ZNF165: variants seen among roughly 807,000 people sequenced by gnomAD.
ZNF165 encodes cancer/testis antigen 53.
ZNF165 carries 14 observed loss-of-function variants against 19.6 expected under a neutral mutation model. The observed-to-expected ratio is 0.71, with a 90% CI of 0.47 to 1.12. The LOEUF is 1.12. Among genes scored for constraint, ZNF165 ranks in the 50% most tolerant of loss-of-function variants. The probability of loss-of-function intolerance (pLI) is 0.00; values close to 1 mark genes in which losing one functional copy is unlikely to be tolerated. For missense variants in ZNF165, 504 were observed against 566.3 expected (o/e 0.89, Z 1.12); for synonymous variants, 165 against 195.0 (o/e 0.85, Z 1.28).
In ZNF165 at chr6:28,089,218, C is replaced by G; in HGVS notation, c.1206C>G (p.Cys402Trp). The G allele has an allele frequency of 6.2e-7, 1 of 1,614,160 alleles. No homozygotes were observed. Among genetic ancestry groups the G allele is most frequent in the Non-Finnish European group, 8.5e-7 (1 of 1,180,024 alleles). Residue 402 changes from cysteine to tryptophan, a missense_variant, in exon 4 of 4, where the codon TGC becomes TGG. Cys to Trp is a radical substitution (Grantham distance 215). Coordinates refer to ENST00000683778, the MANE Select transcript of ZNF165 (RefSeq NM_001376491.1). ...RIHTGERPFGCKECGRAFNLN... is the reference protein window; with the variant it reads ...RIHTGERPFGWKECGRAFNLN... The stretch of plus-strand genomic sequence containing the variant: ...ACACTGGGGAAAGACCCTTTGGTTG[C>G]AAAGAATGTGGGAGAGCATTCAACC...
In ZNF165 at chr6:28,089,254, T is replaced by C; in HGVS notation, c.1242T>C (p.His414=). ...ECGRAFNLNS[H]LIRHQRIHTR... ...GGAGAGCATTCAACCTGAACTCACA[T>C]CTTATCAGGCATCAGAGAATTCACA... The change falls in exon 4 of 4, where the codon CAT becomes CAC. Residue 414 remains histidine, a synonymous_variant. Transcript: ENST00000683778. 6.2e-7 allele frequency: 1 copy of C among 1,614,140 alleles called. No individual in the cohort carries two copies. Among genetic ancestry groups the C allele is most frequent in the Non-Finnish European group, 8.5e-7 (1 of 1,180,018 alleles).
intron 1 of ZNF165, among the ~76,000 whole-genome samples, chr6:28,083,258 G>C (rs1764195850): frequency 6.6e-6 from 1 of 152,172 alleles, no homozygotes; most frequent in Non-Finnish European, 1.5e-5. Flanking sequence ...GTTAAATACA[G>C]TGAGTTCTAA....
In ZNF165 at chr6:28,080,833, G is replaced by A. The variant is rs1316573483; in HGVS notation, c.-138G>A. ...GTCTGCGCCCGAAGAGACCCAGGAA[G>A]GATTCTTGGAATTGTAGTCCAAAGG... On this transcript the variant is annotated 5_prime_UTR_variant, in exon 1 of 4. Coordinates refer to ENST00000683778, the MANE Select transcript of ZNF165 (RefSeq NM_001376491.1). The A allele has an allele frequency of 6.6e-6, 1 of 152,254 alleles. No homozygotes were observed. Among genetic ancestry groups the A allele is most frequent in the Admixed American group, 6.5e-5 (1 of 15,290 alleles). 9.4% of individuals were successfully genotyped at this position (152,254 alleles called of 1,614,324 possible). A position where few individuals can be genotyped will look rare whatever the true frequency, so the allele number is the denominator to read the frequency against.
chr6:28,088,358 CCT>C (rs1052579982), intron 3 of ZNF165, among the ~76,000 whole-genome samples: 5 of 152,158 alleles, frequency 3.3e-5, no homozygotes, highest in African/African-American at 9.7e-5. Flanking sequence ...ACGTCTGATT[CCT>C]CTCTCTGCCA....
At position 28,085,616 on chromosome 6, in the gene ZNF165, G is replaced by A. The variant is rs977383336; in HGVS notation, c.136G>A (p.Glu46Lys). The stretch of plus-strand genomic sequence containing the variant: ...ACAGAGAAGTGAACTCCTTAAGCAG[G>A]AGCTCTGCAGGCAGCTTTTTAGGCA... ...CLQRSELLKQELCRQLFRQFC... is the reference protein window; with the variant it reads ...CLQRSELLKQKLCRQLFRQFC... Residue 46 changes from glutamate (E) to lysine (K), a missense_variant, in exon 2 of 4, where the codon GAG becomes AAG. Coordinates refer to ENST00000683778, the MANE Select transcript of ZNF165 (RefSeq NM_001376491.1). The A allele has an allele frequency of 5.6e-6, 9 of 1,614,110 alleles. No homozygotes were observed. The African/African-American group carries it at 1.1e-4, about 19-fold the overall frequency.
chr6:28,085,952 G>A lies in ZNF165; in HGVS notation c.411+61G>A, dbSNP rs181643458. 1.9e-4 allele frequency: 298 copies of A among 1,578,970 alleles called. 1 individual carries two copies. The African/African-American group carries it at 2.6e-3, about 14-fold the overall frequency. ...TGGATAAAGTTCCACGGTGGGAGGAGAGGCCCGAGATTGCATATCTAGCTT... is the reference window on the plus strand; with the variant it reads ...TGGATAAAGTTCCACGGTGGGAGGAAAGGCCCGAGATTGCATATCTAGCTT... On this transcript the variant is annotated intron_variant, in intron 2 of 3. Transcript: ENST00000683778.
intron 1 of ZNF165, among the ~76,000 whole-genome samples, chr6:28,084,415 G>A (rs977050306): frequency 6.6e-6 from 1 of 152,186 alleles, no homozygotes; most frequent in Admixed American, 6.5e-5. Flanking sequence ...CAATTTGGGA[G>A]GCTGAGATGG....
chr6:28,082,865 C>T (rs1355013880), intron 1 of ZNF165, among the ~76,000 whole-genome samples: 1 of 152,202 alleles, frequency 6.6e-6, no homozygotes, highest in Non-Finnish European at 1.5e-5. Context: ...TTATTATCAT[C>T]TTAAATACAG....
chr6:28,087,814 A>AAG (rs70983930), intron 3 of ZNF165, among the ~76,000 whole-genome samples: 7,668 of 152,220 alleles, frequency 0.05, 304 homozygotes, highest in Non-Finnish European at 0.087. Context: ...TGAACAAAAA[A>AAG]AGAGAGAGAG....
intron 1 of ZNF165, among the ~76,000 whole-genome samples, chr6:28,082,652 C>A (rs150154171): frequency 1.3e-5 from 2 of 152,210 alleles, no homozygotes; most frequent in South Asian, 4.1e-4. Flanking sequence ...AAACTGACAA[C>A]CTTCCAGCGT....
chr6:28,089,329 G>T lies in ZNF165; in HGVS notation c.1317G>T (p.Val439=), dbSNP rs1764378249. ...ECSECGKTFR[V]SSHLIRHFRI... ...GTGAATGTGGGAAAACCTTCCGAGT[G>T]AGCTCACATCTTATTCGACACTTTA... The change falls in exon 4 of 4, where the codon GTG becomes GTT. Residue 439 remains valine, a synonymous_variant. Transcript: ENST00000683778. 6.2e-7 allele frequency: 1 copy of T among 1,614,056 alleles called. No homozygotes were observed. The highest frequency in any genetic ancestry group is 1.3e-5 in the African/African-American group (1 of 74,918).
intron 1 of ZNF165, 98 bp from the exon 2 acceptor site, chr6:28,085,383 T>C (rs2113684878): frequency 7.8e-7 from 1 of 1,275,846 alleles, no homozygotes. Flanking sequence ...TCTTTCATCT[T>C]CTTAGACAGT....
At position 28,088,810 on chromosome 6, in the gene ZNF165, A is replaced by G. The variant is rs769404767; in HGVS notation, c.798A>G (p.Arg266=). The change falls in exon 4 of 4, where the codon AGA becomes AGG. Residue 266 remains arginine, a synonymous_variant. Transcript: ENST00000683778. Reference sequence around the variant, plus strand: ...TCCTCACCCACAAAAATACAGTCAGAGGTGAAATAATAAGCCACGATGGAT... The same window carrying G: ...TCCTCACCCACAAAAATACAGTCAGGGGTGAAATAATAAGCCACGATGGAT... ...GKILTHKNTV[R]GEIISHDGCE... is the part of the protein sequence containing the mutation. The G allele has an allele frequency of 3.7e-6, 6 of 1,614,204 alleles. No homozygotes were observed. Among genetic ancestry groups the G allele is most frequent in the Non-Finnish European group, 5.1e-6 (6 of 1,180,044 alleles).
intron 1 of ZNF165, among the ~76,000 whole-genome samples, chr6:28,084,628 C>A (rs1287405992): frequency 6.6e-6 from 1 of 152,098 alleles, no homozygotes; most frequent in African/African-American, 2.4e-5. Context: ...CATTGCACTC[C>A]AGCCTGGGTG....
At chr6:28,084,367 C>T (rs1341260888) in intron 1 of ZNF165, among the ~76,000 whole-genome samples, 1 of 152,094 alleles carries the variant, frequency 6.6e-6, no homozygotes, top group African/African-American at 2.4e-5. Flanking sequence ...GTAAAAGAAC[C>T]TCAGGCCGGG....
intron 3 of ZNF165, among the ~76,000 whole-genome samples, chr6:28,086,779 T>G (rs1764287381): frequency 6.6e-6 from 1 of 152,054 alleles, no homozygotes; most frequent in Non-Finnish European, 1.5e-5. Flanking sequence ...GGGGAAAAGA[T>G]AATTTTGTTC....
In ZNF165 at chr6:28,085,825, G is replaced by A. The variant is rs1371371221; in HGVS notation, c.345G>A (p.Glu115=). The change falls in exon 2 of 4, where the codon GAG becomes GAA. Residue 115 remains glutamate (E), a synonymous_variant. Transcript: ENST00000683778. ...LQAWVHEHYP[E]SGEEAVTILE... ...CCTGGGTACATGAACATTACCCAGA[G>A]AGTGGAGAGGAGGCAGTGACCATAC... 6.2e-7 allele frequency: 1 copy of A among 1,613,764 alleles called. No homozygotes were observed.
In ZNF165 at chr6:28,088,755, C is replaced by T. The variant is rs753844384; in HGVS notation, c.743C>T (p.Ser248Leu). The stretch of plus-strand genomic sequence containing the variant: ...GAATCAGGGGAGTCTCAGAGACTCT[C>T]GTCTGCCCAGGATGAAGGTTTTGGT... The part of the protein sequence containing the change: ...EKESGESQRL[S>L]SAQDEGFGKI... Residue 248 changes from serine to leucine, a missense_variant, in exon 4 of 4, where the codon TCG (serine) becomes TTG (leucine). By Grantham distance (145) the Ser-to-Leu change is moderately radical. Coordinates refer to ENST00000683778, the MANE Select transcript of ZNF165 (RefSeq NM_001376491.1). 18 of 1,613,940 alleles carry T rather than the reference C, an allele frequency of 1.1e-5. 1 individual carries two copies. Among genetic ancestry groups the T allele is most frequent in the East Asian group, 2.2e-5 (1 of 44,876 alleles).
At chr6:28,085,068 A>G (rs1311504585) in intron 1 of ZNF165, among the ~76,000 whole-genome samples, 1 of 152,112 alleles carries the variant, frequency 6.6e-6, no homozygotes, top group East Asian at 1.9e-4. Context: ...GCTTCCCTTG[A>G]CCATTGCAAC....
Sources: gnomAD v4.1 joint callset for allele counts (sites outside exome capture counted in the v4.1 genomes callset) on GRCh38, gnomAD v4.1.1 for gene constraint, MANE v1.5 for transcripts, NCBI Gene and HGNC (gene_info 2026-07-23, HGNC 2026-07-21) for gene names.